The following SUFU variants were observed in gnomAD, a reference collection of about 807,000 sequenced individuals.
SUFU encodes SUFU negative regulator of hedgehog signaling.
Under a neutral mutation model 58.9 loss-of-function variants are expected in SUFU, and 7 were observed. That is an observed-to-expected ratio of 0.12 (90% confidence interval 0.07 to 0.22). The LOEUF is 0.22. Among genes scored for constraint, SUFU ranks in the 10% least tolerant of loss-of-function variants. SUFU has a pLI of 1.00. For synonymous variants in SUFU, 232 were observed against 254.8 expected (o/e 0.91, Z 0.85); for missense variants, 451 against 641.3 (o/e 0.70, Z 3.20).
At chr10:102,583,527 C>A (rs997415796) in intron 3 of SUFU, among the ~76,000 whole-genome samples, 6 of 152,170 alleles carry the variant, frequency 3.9e-5, no homozygotes, top group African/African-American at 9.7e-5. Flanking sequence ...ATTAAGCCTG[C>A]ACAAAGTGCT....
At chr10:102,544,942 A>G (rs1461074704) in intron 2 of SUFU, among the ~76,000 whole-genome samples, 2 of 152,144 alleles carry the variant, frequency 1.3e-5, no homozygotes, top group African/African-American at 2.4e-5. Context: ...TAGCGTATGC[A>G]TACTTCATTC....
intron 2 of SUFU, among the ~76,000 whole-genome samples, chr10:102,510,647 C>T (rs1391834430): frequency 6.6e-6 from 1 of 151,294 alleles, no homozygotes; most frequent in Non-Finnish European, 1.5e-5. Flanking sequence ...CATGGTGAAA[C>T]CTTGTCTCTA....
chr10:102,610,654 C>A lies in SUFU; in HGVS notation c.1023-4614C>A, dbSNP rs533631154. ...CGTCAGCCTGTCTGCCTAGCCCTTT[C>A]CTGTTTACTTTTTAATCAAAGCCTG... is the stretch of plus-strand genomic sequence containing the variant. On this transcript the variant is annotated intron_variant, in intron 8 of 11. Transcript: ENST00000369902. Among the ~76,000 whole-genome samples, 75 of 152,250 alleles carry A rather than the reference C, an allele frequency of 4.9e-4. No homozygotes were observed. The South Asian group carries it at 0.012, about 25-fold the overall frequency.
chr10:102,624,828 C>T (rs1211207148), intron 10 of SUFU, among the ~76,000 whole-genome samples: 1 of 152,176 alleles, frequency 6.6e-6, no homozygotes, highest in African/African-American at 2.4e-5. Context: ...ACTGGGTGGC[C>T]ACAGCCTCTG....
intron 2 of SUFU, among the ~76,000 whole-genome samples, chr10:102,533,461 C>G (rs542164399): frequency 1.3e-5 from 2 of 151,678 alleles, no homozygotes; most frequent in Non-Finnish European, 2.9e-5. Context: ...GTGGTCCCAG[C>G]TATTTGGGAG....
chr10:102,595,067 A>G (rs1448779343), intron 6 of SUFU, among the ~76,000 whole-genome samples: 3 of 152,166 alleles, frequency 2.0e-5, no homozygotes, highest in Non-Finnish European at 4.4e-5. Context: ...AGCCACAGAC[A>G]GCTAATAATG....
At chr10:102,535,744 A>C (rs972788644) in intron 2 of SUFU, among the ~76,000 whole-genome samples, 1 of 152,014 alleles carries the variant, frequency 6.6e-6, no homozygotes, top group Non-Finnish European at 1.5e-5. Context: ...TGCTTCAAAG[A>C]CCAATGGAAG....
chr10:102,516,192 C>G (rs1771808497), intron 2 of SUFU, among the ~76,000 whole-genome samples: 2 of 146,288 alleles, frequency 1.4e-5, no homozygotes, highest in African/African-American at 5.1e-5. Flanking sequence ...GTGACACGAC[C>G]TCGACTCTGC....
At chr10:102,517,588 T>C (rs1030027816) in intron 2 of SUFU, among the ~76,000 whole-genome samples, 1 of 152,210 alleles carries the variant, frequency 6.6e-6, no homozygotes. Flanking sequence ...CTCTCCCTTA[T>C]CCACCTTTCT....
chr10:102,599,862 G>A (rs557380695), intron 8 of SUFU, among the ~76,000 whole-genome samples: 4 of 152,330 alleles, frequency 2.6e-5, no homozygotes, highest in Admixed American at 2.0e-4. Context: ...CCATTGTGCT[G>A]AGCACGGTTC....
At chr10:102,615,803 A>G (rs953580204) in intron 9 of SUFU, among the ~76,000 whole-genome samples, 28 of 152,194 alleles carry the variant, frequency 1.8e-4, no homozygotes, top group African/African-American at 6.8e-4. Context: ...TCTAGCCCAG[A>G]GCAGCAACAG....
intron 3 of SUFU, among the ~76,000 whole-genome samples, chr10:102,559,648 G>A (rs1230873858): frequency 3.3e-5 from 5 of 151,928 alleles, no homozygotes; most frequent in African/African-American, 7.3e-5. Flanking sequence ...TTCATTTTAC[G>A]ATCAGTTTAT....
intron 2 of SUFU, among the ~76,000 whole-genome samples, chr10:102,514,736 A>G (rs1010334501): frequency 3.3e-5 from 5 of 152,204 alleles, no homozygotes; most frequent in African/African-American, 1.2e-4. Context: ...GTGGGGATCT[A>G]TGCGGCTGTA....
chr10:102,619,220 C>T lies in SUFU; in HGVS notation c.1296+1792C>T. ...ACATTGCCCCTCAGTCCCCTGAATG[C>T]CCTTCGGACCCAACCCCAATTCCCC... On this transcript the variant is annotated intron_variant, in intron 10 of 11. Coordinates refer to ENST00000369902, the MANE Select transcript of SUFU (RefSeq NM_016169.4). The surrounding 1 kb of genome is among the most constrained non-coding windows in gnomAD (Gnocchi z 4.2). 1 of 1,549,360 alleles carries T rather than the reference C, an allele frequency of 6.5e-7. No individual in the cohort carries two copies. The highest frequency in any genetic ancestry group is 8.7e-7 in the Non-Finnish European group (1 of 1,151,500).
chr10:102,518,557 T>C (rs201443571), intron 2 of SUFU, among the ~76,000 whole-genome samples: 1 of 57,764 alleles, frequency 1.7e-5, no homozygotes, highest in East Asian at 4.7e-4. Flanking sequence ...ATTTATTTAT[T>C]TATTTTTGAC....
chr10:102,561,145 A>C (rs1345375001), intron 3 of SUFU, among the ~76,000 whole-genome samples: 1 of 152,182 alleles, frequency 6.6e-6, no homozygotes, highest in Non-Finnish European at 1.5e-5. Context: ...ACCCAGCCTT[A>C]CCGGAGTATT....
intron 7 of SUFU, among the ~76,000 whole-genome samples, chr10:102,598,290 C>T (rs1378426880): frequency 1.3e-5 from 2 of 152,042 alleles, no homozygotes; most frequent in African/African-American, 4.8e-5. Flanking sequence ...GTAGCTGGGA[C>T]TACAGGCGTG....
intron 2 of SUFU, among the ~76,000 whole-genome samples, chr10:102,540,078 C>T (rs1486736718): frequency 1.3e-5 from 2 of 152,166 alleles, no homozygotes; most frequent in Non-Finnish European, 2.9e-5. Context: ...TGAACCACTT[C>T]CTTACTTTCT....
intron 2 of SUFU, among the ~76,000 whole-genome samples, chr10:102,544,570 G>A (rs1232697384): frequency 4.6e-5 from 7 of 152,028 alleles, no homozygotes; most frequent in East Asian, 1.9e-4. Flanking sequence ...GTGGTGGCAC[G>A]CGCCTGTAGT....
Sources: allele counts gnomAD v4.1 joint callset (sites outside exome capture counted in the v4.1 genomes callset), GRCh38; gene constraint gnomAD v4.1.1; non-coding constraint Gnocchi (gnomAD v3.1); transcripts MANE v1.5; gene names NCBI Gene and HGNC (gene_info 2026-07-23, HGNC 2026-07-21).